PRKCA: variants seen among roughly 807,000 people sequenced by gnomAD.
The protein encoded by PRKCA is protein kinase C alpha.
A neutral mutation model predicts 87.0 loss-of-function variants in PRKCA; 27 were observed. The observed-to-expected ratio is 0.31, with a 90% CI of 0.23 to 0.43. The LOEUF (loss-of-function observed/expected upper bound fraction) is 0.43, where lower values mean the gene tolerates loss of function less well. Among genes scored for constraint, PRKCA ranks in the 20% least tolerant of loss-of-function variants. PRKCA has a pLI of 1.00. For missense variants in PRKCA, 518 were observed against 852.3 expected (o/e 0.61, Z 4.88); for synonymous variants, 329 against 311.1 (o/e 1.06, Z -0.61).
chr17:66,559,859 A>C (rs895936901), intron 3 of PRKCA, among the ~76,000 whole-genome samples: 5 of 152,200 alleles, frequency 3.3e-5, no homozygotes, highest in African/African-American at 4.8e-5. Flanking sequence ...AGCCAAACAG[A>C]TTCAGATCTA....
At chr17:66,783,766 T>A (rs1975304395) in intron 14 of PRKCA, among the ~76,000 whole-genome samples, 1 of 152,206 alleles carries the variant, frequency 6.6e-6, no homozygotes, top group Admixed American at 6.5e-5. Context: ...TAGAGAACGT[T>A]TCTCTTAGGC....
At chr17:66,451,805 A>G (rs1914337388) in intron 2 of PRKCA, among the ~76,000 whole-genome samples, 1 of 152,206 alleles carries the variant, frequency 6.6e-6, no homozygotes, top group South Asian at 2.1e-4. Flanking sequence ...AAGGCTCTGA[A>G]GCAAAGTTGT....
intron 13 of PRKCA, among the ~76,000 whole-genome samples, chr17:66,769,015 T>C (rs1974871846): frequency 6.6e-6 from 1 of 152,304 alleles, no homozygotes; most frequent in African/African-American, 2.4e-5. Flanking sequence ...GAAATGGCTT[T>C]GTTTTTGTTA....
chr17:66,478,582 T>A (rs1915634917), intron 2 of PRKCA, among the ~76,000 whole-genome samples: 2 of 152,150 alleles, frequency 1.3e-5, no homozygotes, highest in Admixed American at 6.6e-5. Context: ...TAAATGATAA[T>A]TCATAAAACA....
chr17:66,433,850 G>A (rs1213221480), intron 2 of PRKCA, among the ~76,000 whole-genome samples: 2 of 152,170 alleles, frequency 1.3e-5, no homozygotes, highest in African/African-American at 4.8e-5. Flanking sequence ...CAGTCCACCT[G>A]AGGAGTTTCT....
intron 14 of PRKCA, among the ~76,000 whole-genome samples, chr17:66,778,460 G>T (rs1318033423): frequency 6.6e-6 from 1 of 152,172 alleles, no homozygotes. Flanking sequence ...AGCTTGCAGT[G>T]AGCCGAGATC....
chr17:66,620,228 C>T (rs925497286), intron 3 of PRKCA, among the ~76,000 whole-genome samples: 4 of 152,184 alleles, frequency 2.6e-5, no homozygotes, highest in African/African-American at 9.7e-5. Context: ...CTGTTTAGCC[C>T]TTCATTGAAC....
chr17:66,774,180 T>A, intron 14 of PRKCA, 113 bp downstream of exon 14: 1 of 1,576,322 alleles, frequency 6.3e-7, no homozygotes, highest in East Asian at 2.3e-5. Context: ...GGTGTTGGCG[T>A]GACTTCCCTG....
intron 5 of PRKCA, among the ~76,000 whole-genome samples, chr17:66,666,460 T>G (rs1972045652): frequency 6.6e-6 from 1 of 152,224 alleles, no homozygotes; most frequent in African/African-American, 2.4e-5. Flanking sequence ...ATATTCATAC[T>G]GGACACAAGC....
chr17:66,651,017 C>T (rs980246323), intron 5 of PRKCA, among the ~76,000 whole-genome samples: 1 of 152,108 alleles, frequency 6.6e-6, no homozygotes, highest in Non-Finnish European at 1.5e-5. Context: ...TTGGCGGGTG[C>T]TGTACCTGCA....
At chr17:66,401,579 C>T (rs1458949260) in intron 2 of PRKCA, among the ~76,000 whole-genome samples, 1 of 152,020 alleles carries the variant, frequency 6.6e-6, no homozygotes, top group Non-Finnish European at 1.5e-5. Context: ...ACTCTGAGGG[C>T]AATGTGGAGG....
intron 3 of PRKCA, among the ~76,000 whole-genome samples, chr17:66,625,366 C>G (rs920649004): frequency 1.3e-5 from 2 of 152,184 alleles, no homozygotes; most frequent in African/African-American, 4.8e-5. Flanking sequence ...ATCAGAAGTG[C>G]AATGACAACA....
intron 2 of PRKCA, among the ~76,000 whole-genome samples, chr17:66,315,019 A>ATG (rs931318267): frequency 4.0e-5 from 6 of 151,738 alleles, no homozygotes; most frequent in East Asian, 3.9e-4. Context: ...GTGTATATAT[A>ATG]TGTGTGTGTG....
chr17:66,735,740 T>G, intron 10 of PRKCA, 78 bp downstream of exon 10: 1 of 1,502,290 alleles, frequency 6.7e-7, no homozygotes. Flanking sequence ...CTTAGCATCC[T>G]TGTTCCTTTG....
intron 13 of PRKCA, among the ~76,000 whole-genome samples, chr17:66,762,941 C>T (rs2144301727): frequency 6.6e-6 from 1 of 152,344 alleles, no homozygotes; most frequent in East Asian, 1.9e-4. Flanking sequence ...CAGGCATGTG[C>T]CACCACGTCC....
chr17:66,530,331 A>T (rs1303678844), intron 3 of PRKCA, among the ~76,000 whole-genome samples: 3 of 152,220 alleles, frequency 2.0e-5, no homozygotes, highest in Non-Finnish European at 4.4e-5. Flanking sequence ...GCATACATGG[A>T]TGGCAGAATA....
intron 5 of PRKCA, among the ~76,000 whole-genome samples, chr17:66,648,426 G>A (rs373812434): frequency 2.0e-5 from 3 of 152,102 alleles, no homozygotes; most frequent in Non-Finnish European, 4.4e-5. Flanking sequence ...TTATCCTTAC[G>A]TTATAGATGA....
intron 13 of PRKCA, among the ~76,000 whole-genome samples, chr17:66,760,204 G>A (rs1974651427): frequency 6.6e-6 from 1 of 152,148 alleles, no homozygotes; most frequent in African/African-American, 2.4e-5. Flanking sequence ...AAACCATGCA[G>A]TGTCTTCTCT....
At chr17:66,328,176 G>GTGT (rs1906101635) in intron 2 of PRKCA, among the ~76,000 whole-genome samples, 1 of 152,112 alleles carries the variant, frequency 6.6e-6, no homozygotes, top group South Asian at 2.1e-4. Flanking sequence ...GAGTAGCTGG[G>GTGT]TGTTAACAGA....
Sources: allele counts gnomAD v4.1 joint callset (sites outside exome capture counted in the v4.1 genomes callset), GRCh38; gene constraint gnomAD v4.1.1; transcripts MANE v1.5; gene names NCBI Gene and HGNC (gene_info 2026-07-23, HGNC 2026-07-21).